Variants in SAMMSON observed in about 807,000 individuals in gnomAD.
SAMMSON encodes the protein survival associated mitochondrial melanoma specific oncogenic non-coding RNA, also known as long intergenic non-protein coding RNA 1212.
chr3:70,234,932 T>G (rs539608965), intron 4 of SAMMSON, among the ~76,000 whole-genome samples: 2 of 152,174 alleles, frequency 1.3e-5, no homozygotes, highest in Non-Finnish European at 2.9e-5. Context: ...ACCTCACGGT[T>G]TCCTGATTTA....
chr3:70,250,932 T>C (rs1436831895), intron 6 of SAMMSON, among the ~76,000 whole-genome samples: 1 of 152,246 alleles, frequency 6.6e-6, no homozygotes, highest in Non-Finnish European at 1.5e-5. Flanking sequence ...CAATAAAATT[T>C]AATCTATTTA....
At chr3:70,208,317 G>C (rs971189528) in intron 4 of SAMMSON, among the ~76,000 whole-genome samples, 4 of 151,992 alleles carry the variant, frequency 2.6e-5, no homozygotes, top group Non-Finnish European at 5.9e-5. Flanking sequence ...AACCTGGTTT[G>C]ATTTTACCAT....
chr3:70,019,745 C>T (rs192197415), intron 3 of SAMMSON, among the ~76,000 whole-genome samples: 1 of 152,110 alleles, frequency 6.6e-6, no homozygotes, highest in Non-Finnish European at 1.5e-5. Flanking sequence ...CATGTTTGTG[C>T]TTCCTTCAGG....
intron 4 of SAMMSON, among the ~76,000 whole-genome samples, chr3:70,161,400 G>T (rs1433137104): frequency 6.6e-6 from 1 of 151,866 alleles, no homozygotes; most frequent in Admixed American, 6.6e-5. Flanking sequence ...AGAATTTTTT[G>T]AATGCGTTTT....
At chr3:70,011,826 T>G (rs1279184020) in intron 1 of SAMMSON, among the ~76,000 whole-genome samples, 5 of 152,042 alleles carry the variant, frequency 3.3e-5, no homozygotes, top group African/African-American at 9.7e-5. Context: ...CACAGTGATC[T>G]CAGACCTAAA....
At chr3:70,080,759 G>T in intron 4 of SAMMSON, among the ~76,000 whole-genome samples, 1 of 149,328 alleles carries the variant, frequency 6.7e-6, no homozygotes. Context: ...ATCATCATCT[G>T]TATAACTTAC....
chr3:70,195,319 C>T (rs142793771), intron 4 of SAMMSON, among the ~76,000 whole-genome samples: 98 of 152,218 alleles, frequency 6.4e-4, no homozygotes, highest in African/African-American at 2.2e-3. Flanking sequence ...GTGTGGGGCA[C>T]TTTCATGCTC....
intron 4 of SAMMSON, among the ~76,000 whole-genome samples, chr3:70,156,376 T>G (rs1029735195): frequency 3.9e-5 from 6 of 152,102 alleles, no homozygotes; most frequent in Non-Finnish European, 8.8e-5. Context: ...CAGTGTATAT[T>G]TGAAAGTCTC....
chr3:70,366,496 T>G (rs1702921373), intron 9 of SAMMSON, among the ~76,000 whole-genome samples: 3 of 148,948 alleles, frequency 2.0e-5, no homozygotes, highest in South Asian at 2.1e-4. Context: ...TTTTATGTTT[T>G]TTTTTTTTTT....
At position 70,316,119 on chromosome 3, in the gene SAMMSON, T is replaced by A. The variant is rs149075100; in HGVS notation, n.739+24876T>A. ...ATCAAAATCTGATCCAGAAATATAA[T>A]CTTTAAGGGCAAACTATCCAGCAGA... On this transcript the variant is annotated intron_variant and non_coding_transcript_variant, in intron 7 of 9. Transcript: ENST00000642114. Among the ~76,000 whole-genome samples, 1,436 of 152,284 alleles carry A rather than the reference T, an allele frequency of 9.4e-3. 12 individuals carry two copies. The highest frequency in any genetic ancestry group is 0.016 in the Admixed American group (249 of 15,278).
At chr3:70,204,842 G>A (rs1701275485) in intron 4 of SAMMSON, 1 of 151,988 alleles carries the variant, frequency 6.6e-6, no homozygotes, top group Non-Finnish European at 1.5e-5. Flanking sequence ...TTTCACTGTG[G>A]ATATGTACAA....
chr3:70,304,503 A>G (rs1702381946), intron 7 of SAMMSON, among the ~76,000 whole-genome samples: 2 of 151,892 alleles, frequency 1.3e-5, no homozygotes, highest in Non-Finnish European at 2.9e-5. Flanking sequence ...TCTCTCTCTC[A>G]CTTCACCATT....
intron 6 of SAMMSON, among the ~76,000 whole-genome samples, chr3:70,252,750 A>G (rs1701781284): frequency 1.3e-5 from 2 of 152,142 alleles, no homozygotes; most frequent in Non-Finnish European, 2.9e-5. Context: ...CTGTGGATAC[A>G]TCAGTGAACA....
chr3:70,214,079 A>G (rs1576157832), intron 4 of SAMMSON, among the ~76,000 whole-genome samples: 1 of 152,070 alleles, frequency 6.6e-6, no homozygotes, highest in African/African-American at 2.4e-5. Context: ...AAATTTCCTC[A>G]CCTTTTTGAA....
chr3:70,120,292 G>A (rs913470655), intron 4 of SAMMSON: 27 of 152,342 alleles, frequency 1.8e-4, no homozygotes, highest in African/African-American at 5.5e-4. Flanking sequence ...ATGGAACCCA[G>A]GGATGTATGG....
At chr3:70,306,591 A>T (rs202203264) in intron 7 of SAMMSON, among the ~76,000 whole-genome samples, 3,609 of 151,876 alleles carry the variant, frequency 0.024, 87 homozygotes, top group South Asian at 0.079. Context: ...TATTTTTTTT[A>T]TCATTTTTTT....
At chr3:70,253,580 A>G (rs543109024) in intron 6 of SAMMSON, among the ~76,000 whole-genome samples, 1 of 152,208 alleles carries the variant, frequency 6.6e-6, no homozygotes, top group East Asian at 1.9e-4. Flanking sequence ...ATAATTAGCC[A>G]GGTGTGGTGA....
intron 4 of SAMMSON, among the ~76,000 whole-genome samples, chr3:70,175,480 T>G (rs1701002428): frequency 6.6e-6 from 1 of 152,042 alleles, no homozygotes; most frequent in East Asian, 1.9e-4. Context: ...AGGATTCACA[T>G]TAGGGCTCTG....
At chr3:70,290,027 A>C (rs1315623746) in intron 6 of SAMMSON, among the ~76,000 whole-genome samples, 3 of 152,106 alleles carry the variant, frequency 2.0e-5, no homozygotes, top group Non-Finnish European at 2.9e-5. Flanking sequence ...AGCTCAGAGT[A>C]ATTTGATCGT....
Sources: allele counts gnomAD v4.1 joint callset (sites outside exome capture counted in the v4.1 genomes callset), GRCh38; gene constraint gnomAD v4.1.1; transcripts MANE v1.5; gene names NCBI Gene and HGNC (gene_info 2026-07-23, HGNC 2026-07-21).